DUSP7: variants seen among roughly 807,000 people sequenced by gnomAD.
DUSP7 encodes the protein dual specificity protein phosphatase 7.
In DUSP7, 7 loss-of-function variants were observed where a neutral mutation model predicts 29.8. The observed-to-expected ratio is 0.24, with a 90% CI of 0.13 to 0.44. The LOEUF is 0.44. DUSP7 is among the 20% of genes least tolerant of loss of function. The pLI is 1.00. For missense variants in DUSP7, 400 were observed against 583.7 expected (o/e 0.69, Z 3.24); for synonymous variants, 287 against 275.4 (o/e 1.04, Z -0.42).
chr3:52,056,401 A>G lies in DUSP7; in HGVS notation c.-35T>C. On this transcript the variant is annotated 5_prime_UTR_variant, in exon 1 of 3. Coordinates refer to ENST00000495880, the MANE Select transcript of DUSP7 (RefSeq NM_001947.4). This position sits in a 1 kb window ranked among gnomAD's most constrained non-coding sequence, Gnocchi z 6.4. The stretch of plus-strand genomic sequence containing the variant: ...GGGCGGCCCGGGGCCGGGGCCGGGC[A>G]GCCCTGCCCTGGGACGGCGCCCCGG... The G allele has an allele frequency of 3.0e-6, 3 of 1,009,770 alleles. No individual in the cohort carries two copies. The highest frequency in any genetic ancestry group is 3.6e-6 in the Non-Finnish European group (3 of 844,568). 62.6% of individuals were successfully genotyped at this position (1,009,770 alleles called of 1,614,324 possible).
chr3:52,051,094 G>A lies in DUSP7; in HGVS notation c.981C>T (p.Val327=). Residue 327 remains valine, a synonymous_variant, in exon 3 of 3, where the codon GTC becomes GTT. Coordinates refer to ENST00000495880, the MANE Select transcript of DUSP7 (RefSeq NM_001947.4). This position sits in a 1 kb window ranked among gnomAD's most constrained non-coding sequence, Gnocchi z 4.8. ...TGATGCCTGCCAGGCAGTGCACCAG[G>A]ACACCACACTTCTTGGAGCGGGCTT... ...IDEARSKKCG[V]LVHCLAGISR... 1 of 1,611,768 alleles carries A rather than the reference G, an allele frequency of 6.2e-7. No individual in the cohort carries two copies. Among genetic ancestry groups the A allele is most frequent in the Non-Finnish European group, 8.5e-7 (1 of 1,178,824 alleles).
chr3:52,050,265 CTT>C lies in DUSP7; in HGVS notation c.*548_*549del, dbSNP rs1255714022. ...AAAACAAAAACAAACACGATACTTG[CTT>C]TTTGAAATTGAACGAAAAACAAAAC... On this transcript the variant is annotated 3_prime_UTR_variant, in exon 3 of 3. Transcript: ENST00000495880. This position sits in a 1 kb window ranked among gnomAD's most constrained non-coding sequence, Gnocchi z 5.0. 6.6e-6 allele frequency: 1 copy of C among 152,024 alleles called. No homozygotes were observed. Among genetic ancestry groups the C allele is most frequent in the South Asian group, 2.1e-4 (1 of 4,824 alleles). 9.4% of individuals were successfully genotyped at this position (152,024 alleles called of 1,614,324 possible).
rs922794109 is a variant in DUSP7, at chr3:52,050,609, C to T, written c.*206G>A. The T allele has an allele frequency of 1.1e-4, 69 of 616,478 alleles. 1 individual carries two copies. Among genetic ancestry groups the T allele is most frequent in the Non-Finnish European group, 1.4e-5 (5 of 366,548 alleles). The allele number at this position is 616,478 out of a possible 1,614,324, so 38.2% of individuals were successfully genotyped here. A position where few individuals can be genotyped will look rare whatever the true frequency, so the allele number is the denominator to read the frequency against. ...ACGTGTCCAAGAGCCGAGGCCTCTC[C>T]AGCAAGCCCTGCAGTGGGAGACCTT... On this transcript the variant is annotated 3_prime_UTR_variant, in exon 3 of 3. Transcript: ENST00000495880. This position sits in a 1 kb window ranked among gnomAD's most constrained non-coding sequence, Gnocchi z 5.0.
Position 52,054,083 on chromosome 3 carries a change from C to T in DUSP7, c.809G>A (p.Gly270Asp). 1.2e-6 allele frequency: 2 copies of T among 1,614,202 alleles called. No homozygotes were observed. The highest frequency in any genetic ancestry group is 2.2e-5 in the East Asian group (1 of 44,882). Residue 270 changes from glycine to aspartate, a missense_variant, in exon 2 of 3, where the codon GGC (glycine) becomes GAC (aspartate). By Grantham distance (94) the Gly-to-Asp change is moderately conservative (BLOSUM62 -1). Around this residue, in one of 4 missense-constraint regions of DUSP7, gnomAD observed 223 missense variants for 360.9 expected, o/e 0.62. Transcript: ENST00000495880. The surrounding 1 kb of genome is among the most constrained non-coding windows in gnomAD (Gnocchi z 4.1). ...TGTGACATTGAGGATATACTTGATG[C>T]CATACTTGCCGAGCACGTCCAGGTT... ...STNLDVLGKY[G>D]IKYILNVTPN... is the part of the protein sequence containing the mutation.
At position 52,053,913 on chromosome 3, in the gene DUSP7, C is replaced by A. The variant is rs759148697; in HGVS notation, c.952+27G>T. 3.7e-6 allele frequency: 6 copies of A among 1,608,564 alleles called. No homozygotes were observed. The African/African-American group carries it at 4.0e-5, about 11-fold the overall frequency. The stretch of plus-strand genomic sequence containing the variant: ...CTGCATACACCTTGATGCACCCACA[C>A]CCCCCTGCCCAGCACACAGCACCTA... On this transcript the variant is annotated intron_variant, in intron 2 of 2. Coordinates refer to ENST00000495880, the MANE Select transcript of DUSP7 (RefSeq NM_001947.4). The surrounding 1 kb of genome is among the most constrained non-coding windows in gnomAD (Gnocchi z 4.6).
At position 52,050,439 on chromosome 3, in the gene DUSP7, C is replaced by T. The variant is rs1252969786; in HGVS notation, c.*376G>A. Reference sequence around the variant, plus strand: ...AAGAAGAGCTCAAACACTCTTTGTGCTCCAGGGAGCTTGGATTTACCTGCC... The same window carrying T: ...AAGAAGAGCTCAAACACTCTTTGTGTTCCAGGGAGCTTGGATTTACCTGCC... On this transcript the variant is annotated 3_prime_UTR_variant, in exon 3 of 3. Transcript: ENST00000495880. This position sits in a 1 kb window ranked among gnomAD's most constrained non-coding sequence, Gnocchi z 5.0. 2.2e-5 allele frequency: 4 copies of T among 180,146 alleles called. No homozygotes were observed. Among genetic ancestry groups the T allele is most frequent in the African/African-American group, 7.1e-5 (3 of 42,120 alleles). 11.2% of individuals were successfully genotyped at this position (180,146 alleles called of 1,614,324 possible). A position where few individuals can be genotyped will look rare whatever the true frequency, so the allele number is the denominator to read the frequency against.
chr3:52,056,220 T>TGCCCCCGTCGCC lies in DUSP7; in HGVS notation c.135_146dup (p.Ala46_Ala49dup), dbSNP rs1325257660. The TGCCCCCGTCGCC allele has an allele frequency of 8.4e-5, 120 of 1,432,814 alleles. No individual in the cohort carries two copies. Among genetic ancestry groups the TGCCCCCGTCGCC allele is most frequent in the Non-Finnish European group, 1.0e-4 (114 of 1,099,060 alleles). 88.8% of individuals were successfully genotyped at this position (1,432,814 alleles called of 1,614,324 possible). ...CGGCGCTCTTGCAGGGCATGGCCCC[T>TGCCCCCGTCGCC]GCCCCCGTCGCCGCGCCCGCCCCGG... On this transcript the variant is annotated inframe_insertion, in exon 1 of 3. Transcript: ENST00000495880. The surrounding 1 kb of genome is among the most constrained non-coding windows in gnomAD (Gnocchi z 6.4).
In DUSP7 at chr3:52,056,217, C is replaced by G. The variant is rs1396887544; in HGVS notation, c.150G>C (p.Gly50=). The stretch of plus-strand genomic sequence containing the variant: ...ACTCGGCGCTCTTGCAGGGCATGGC[C>G]CCTGCCCCCGTCGCCGCGCCCGCCC... The part of the protein sequence containing the change: ...GTGAGAATGA[G]AMPCKSAEWL... The change falls in exon 1 of 3, where the codon GGG becomes GGC. Residue 50 remains glycine (G), a synonymous_variant. Transcript: ENST00000495880. This position sits in a 1 kb window ranked among gnomAD's most constrained non-coding sequence, Gnocchi z 6.4. The G allele has an allele frequency of 1.4e-6, 2 of 1,442,346 alleles. No homozygotes were observed. Among genetic ancestry groups the G allele is most frequent in the African/African-American group, 1.5e-5 (1 of 67,262 alleles). The allele number at this position is 1,442,346 out of a possible 1,614,324, so 89.3% of individuals were successfully genotyped here. A position where few individuals can be genotyped will look rare whatever the true frequency, so the allele number is the denominator to read the frequency against.
chr3:52,055,946 C>A lies in DUSP7; in HGVS notation c.421G>T (p.Ala141Ser). Residue 141 changes from alanine to serine, a missense_variant, in exon 1 of 3, where the codon GCC becomes TCC. Ala to Ser is a moderately conservative substitution (Grantham distance 99). Transcript: ENST00000495880. Reference sequence around the variant, plus strand: ...GCGCCGGGCTCGGGCTGCCACTCGGCCGTGGCCTCGTCGTAGAGCAGCACG... The same window carrying A: ...GCGCCGGGCTCGGGCTGCCACTCGGACGTGGCCTCGTCGTAGAGCAGCACG... ...ATVLLYDEAT[A>S]EWQPEPGAPA... 1 of 1,570,142 alleles carries A rather than the reference C, an allele frequency of 6.4e-7. No individual in the cohort carries two copies. Among genetic ancestry groups the A allele is most frequent in the East Asian group, 2.4e-5 (1 of 42,328 alleles).
Position 52,054,265 on chromosome 3 carries a change from G to GC in DUSP7, c.626dup (p.Leu210ProfsTer6). On this transcript the variant is annotated frameshift_variant, in exon 2 of 3. Transcript: ENST00000495880. LOFTEE classifies it high-confidence loss of function. The surrounding 1 kb of genome is among the most constrained non-coding windows in gnomAD (Gnocchi z 4.1). Reference sequence around the variant, plus strand: ...CGGAGCAGTCAGAGCTGATGCGCAGGCCCCCCAGGCCCAGCACTGAGGTGG... The same window carrying GC: ...CGGAGCAGTCAGAGCTGATGCGCAGGCCCCCCCAGGCCCAGCACTGAGGTGG... The GC allele has an allele frequency of 6.2e-7, 1 of 1,605,268 alleles. No homozygotes were observed. The highest frequency in any genetic ancestry group is 8.5e-7 in the Non-Finnish European group (1 of 1,174,622).
Position 52,056,283 on chromosome 3 carries a change from C to T in DUSP7, c.84G>A (p.Gly28=). ...ACCCCGACCCCGCACCGGGCTCGGACCCCGCCCGGGTGCCCCCAGCCGCCG... is the reference window on the plus strand; with the variant it reads ...ACCCCGACCCCGCACCGGGCTCGGATCCCGCCCGGGTGCCCCCAGCCGCCG... ...GAAAAGGTRA[G]SEPGAGSGSG... is the part of the protein sequence containing the mutation. The change falls in exon 1 of 3, where the codon GGG becomes GGA. Residue 28 remains glycine (G), a synonymous_variant. Transcript: ENST00000495880. This position sits in a 1 kb window ranked among gnomAD's most constrained non-coding sequence, Gnocchi z 6.4. 1.6e-6 allele frequency: 2 copies of T among 1,237,948 alleles called. No homozygotes were observed. The highest frequency in any genetic ancestry group is 1.0e-6 in the Non-Finnish European group (1 of 993,400). 76.7% of individuals were successfully genotyped at this position (1,237,948 alleles called of 1,614,324 possible).
chr3:52,052,064 T>C (rs766223270), intron 2 of DUSP7: 21 of 152,206 alleles, frequency 1.4e-4, no homozygotes, highest in African/African-American at 3.1e-4. Context: ...GTCTGACACA[T>C]AGAAGCTCAA....
In DUSP7 at chr3:52,055,984, C is replaced by A; in HGVS notation, c.383G>T (p.Cys128Phe). Residue 128 changes from cysteine to phenylalanine, a missense_variant, in exon 1 of 3, where the codon TGC becomes TTC. By Grantham distance (205) the Cys-to-Phe change is radical (BLOSUM62 -2). Around this residue, in one of 4 missense-constraint regions of DUSP7, gnomAD observed 223 missense variants for 360.9 expected, o/e 0.62. Coordinates refer to ENST00000495880, the MANE Select transcript of DUSP7 (RefSeq NM_001947.4). ...HADKERFATR[C>F]KAATVLLYDE... ...GTAGAGCAGCACGGTGGCCGCCTTG[C>A]AGCGCGTGGCGAAGCGCTCCTTGTC... is the stretch of plus-strand genomic sequence containing the variant. 1 of 1,579,868 alleles carries A rather than the reference C, an allele frequency of 6.3e-7. No homozygotes were observed. Among genetic ancestry groups the A allele is most frequent in the East Asian group, 2.3e-5 (1 of 42,842 alleles).
Position 52,049,814 on chromosome 3 carries a change from G to C in DUSP7, c.*1001C>G, listed in dbSNP as rs1214951073. ...AGAGACAGACAGACAGACAGAAGTA[G>C]TGGCTAAGTATATAAAAGGGCTCAG... is the stretch of plus-strand genomic sequence containing the variant. On this transcript the variant is annotated 3_prime_UTR_variant, in exon 3 of 3. Transcript: ENST00000495880. 1 of 152,224 alleles carries C rather than the reference G, an allele frequency of 6.6e-6. No homozygotes were observed. The highest frequency in any genetic ancestry group is 6.5e-5 in the Admixed American group (1 of 15,284). 9.4% of individuals were successfully genotyped at this position (152,224 alleles called of 1,614,324 possible).
rs1302338444 is a variant in DUSP7 at position 52,053,620 on chromosome 3, T to C, written c.952+320A>G. ...TGAGACCCGTGGGAGGTCTGTGCGC[T>C]GTGATGTTTCAGCTTGCTAAGCCCG... On this transcript the variant is annotated intron_variant, in intron 2 of 2. Coordinates refer to ENST00000495880, the MANE Select transcript of DUSP7 (RefSeq NM_001947.4). The surrounding 1 kb of genome is among the most constrained non-coding windows in gnomAD (Gnocchi z 4.6). 5.0e-6 allele frequency: 2 copies of C among 398,458 alleles called. No individual in the cohort carries two copies. Among genetic ancestry groups the C allele is most frequent in the Non-Finnish European group, 9.4e-6 (2 of 212,110 alleles). 24.7% of individuals were successfully genotyped at this position (398,458 alleles called of 1,614,324 possible). A position where few individuals can be genotyped will look rare whatever the true frequency, so the allele number is the denominator to read the frequency against.
At position 52,056,253 on chromosome 3, in the gene DUSP7, G is replaced by C; in HGVS notation, c.114C>G (p.Gly38=). 1 of 1,365,282 alleles carries C rather than the reference G, an allele frequency of 7.3e-7. No individual in the cohort carries two copies. 84.6% of individuals were successfully genotyped at this position (1,365,282 alleles called of 1,614,324 possible). The part of the protein sequence containing the change: ...GSEPGAGSGS[G]AGTGAGAATG... ...TCGCCGCGCCCGCCCCGGTGCCTGC[G>C]CCGGACCCCGACCCCGCACCGGGCT... is the stretch of plus-strand genomic sequence containing the variant. Residue 38 remains glycine, a synonymous_variant, in exon 1 of 3, where the codon GGC becomes GGG. Transcript: ENST00000495880. This position sits in a 1 kb window ranked among gnomAD's most constrained non-coding sequence, Gnocchi z 6.4.
chr3:52,054,028 G>T lies in DUSP7; in HGVS notation c.864C>A (p.Gly288=). ...TPNLPNAFEH[G]GEFTYKQIPI... The stretch of plus-strand genomic sequence containing the variant: ...GGATCTGCTTGTAGGTGAACTCGCC[G>T]CCGTGCTCGAAGGCGTTGGGTAGGT... Residue 288 remains glycine (G), a synonymous_variant, in exon 2 of 3, where the codon GGC becomes GGA. Coordinates refer to ENST00000495880, the MANE Select transcript of DUSP7 (RefSeq NM_001947.4). This position sits in a 1 kb window ranked among gnomAD's most constrained non-coding sequence, Gnocchi z 4.1. The T allele has an allele frequency of 6.2e-7, 1 of 1,614,216 alleles. No homozygotes were observed.
Position 52,050,602 on chromosome 3 carries a change from G to C in DUSP7, c.*213C>G. 1 of 588,046 alleles carries C rather than the reference G, an allele frequency of 1.7e-6. No individual in the cohort carries two copies. Among genetic ancestry groups the C allele is most frequent in the South Asian group, 2.4e-5 (1 of 41,760 alleles). 36.4% of individuals were successfully genotyped at this position (588,046 alleles called of 1,614,324 possible). ...CAAAGCCACGTGTCCAAGAGCCGAG[G>C]CCTCTCCAGCAAGCCCTGCAGTGGG... On this transcript the variant is annotated 3_prime_UTR_variant, in exon 3 of 3. Coordinates refer to ENST00000495880, the MANE Select transcript of DUSP7 (RefSeq NM_001947.4). The surrounding 1 kb of genome is among the most constrained non-coding windows in gnomAD (Gnocchi z 5.0).
In DUSP7 at chr3:52,051,178, T is replaced by C. The variant is rs1312365460; in HGVS notation, c.953-56A>G. On this transcript the variant is annotated intron_variant, in intron 2 of 2. Transcript: ENST00000495880. This position sits in a 1 kb window ranked among gnomAD's most constrained non-coding sequence, Gnocchi z 4.8. ...GCCTCCTTCAAGGAGCCTTCCCACA[T>C]GGGTGGGCAGGTGGGGCTGGGGCAC... 2 of 1,544,896 alleles carry C rather than the reference T, an allele frequency of 1.3e-6. No individual in the cohort carries two copies. Among genetic ancestry groups the C allele is most frequent in the Non-Finnish European group, 1.7e-6 (2 of 1,146,250 alleles).
Sources: gnomAD v4.1 joint callset for allele counts on GRCh38, gnomAD v4.1.1 for gene constraint, gnomAD v4.1.1 regional missense constraint, Gnocchi (gnomAD v3.1) non-coding constraint, MANE v1.5 for transcripts, NCBI Gene and HGNC (gene_info 2026-07-23, HGNC 2026-07-21) for gene names.